The following FBXL18 variants were observed in gnomAD, a reference collection of about 807,000 sequenced individuals.
The protein encoded by FBXL18 is F-box and leucine rich repeat protein 18.
A neutral mutation model predicts 46.0 loss-of-function variants in FBXL18; 36 were observed. The observed-to-expected ratio is 0.78, with a 90% CI of 0.60 to 1.03. The LOEUF is 1.03. Ranked by LOEUF, FBXL18 falls within the 50% of genes least tolerant of loss-of-function variation. FBXL18 has a pLI of 0.00. For synonymous variants in FBXL18, 557 were observed against 465.3 expected, an observed-to-expected ratio of 1.20 and a Z score of -2.54; for missense variants, 977 against 1,004.1, an observed-to-expected ratio of 0.97 and a Z score of 0.36.
intron 3 of FBXL18, among the ~76,000 whole-genome samples, chr7:5,498,982 T>A (rs1784158314): frequency 6.6e-6 from 1 of 152,232 alleles, no homozygotes. Context: ...AGAACACCGT[T>A]CACTCCACAG....
In FBXL18 at chr7:5,496,001, G is replaced by T; in HGVS notation, c.1781+4487C>A. The T allele has an allele frequency of 2.4e-6, 1 of 415,416 alleles. No homozygotes were observed. Among genetic ancestry groups the T allele is most frequent in the Non-Finnish European group, 5.1e-6 (1 of 195,384 alleles). The allele number at this position is 415,416 out of a possible 1,614,324, so 25.7% of individuals were successfully genotyped here. ...CCCACAAAACCCACAGAACCCGCAGGCCTCTCCGCGCCTTCTCCATGGCCC... is the reference window on the plus strand; with the variant it reads ...CCCACAAAACCCACAGAACCCGCAGTCCTCTCCGCGCCTTCTCCATGGCCC... On this transcript the variant is annotated intron_variant, in intron 3 of 4. Transcript: ENST00000382368. The surrounding 1 kb of genome is among the most constrained non-coding windows in gnomAD (Gnocchi z 4.8).
Position 5,513,737 on chromosome 7 carries a change from C to G in FBXL18, c.-63G>C. On this transcript the variant is annotated 5_prime_UTR_variant, in exon 1 of 5. Transcript: ENST00000382368. ...AACCCCGTGCCTCCCACCTGCCCGG[C>G]TAGGGATGCTCGAAGCCGGCGCGTC... 2 of 1,569,044 alleles carry G rather than the reference C, an allele frequency of 1.3e-6. No homozygotes were observed. The highest frequency in any genetic ancestry group is 2.3e-5 in the South Asian group (2 of 86,022).
chr7:5,468,972 T>C (rs1039594513), intron 4 of FBXL18, among the ~76,000 whole-genome samples: 11 of 133,228 alleles, frequency 8.3e-5, no homozygotes, highest in African/African-American at 3.1e-4. Context: ...CCCTTTGTTT[T>C]GGTGTGTGAA....
At chr7:5,454,888 G>A (rs1322448418) in intron 4 of FBXL18, among the ~76,000 whole-genome samples, 5 of 152,204 alleles carry the variant, frequency 3.3e-5, no homozygotes, top group Admixed American at 2.0e-4. Context: ...GAGAGGACGC[G>A]CTGCTTGGCT....
At position 5,500,755 on chromosome 7, in the gene FBXL18, G is replaced by A. The variant is rs1784217917; in HGVS notation, c.1514C>T (p.Ala505Val). Residue 505 changes from alanine to valine, a missense_variant, in exon 3 of 5, where the codon GCC (alanine) becomes GTC (valine). By Grantham distance (64) the Ala-to-Val change is moderately conservative (BLOSUM62 0). Transcript: ENST00000382368. Reference protein sequence around the residue: ...FSSAMPRNEPAIRNSLPPCSR... With the variant: ...FSSAMPRNEPVIRNSLPPCSR... ...GCAGGGTGGGAGCGAGTTGCGGATG[G>A]CGGGCTCGTTGCGGGGCATGGCGGA... 1 of 1,612,594 alleles carries A rather than the reference G, an allele frequency of 6.2e-7. No individual in the cohort carries two copies. The highest frequency in any genetic ancestry group is 8.5e-7 in the Non-Finnish European group (1 of 1,179,758).
At chr7:5,511,127 G>C (rs1394644577) in intron 1 of FBXL18, among the ~76,000 whole-genome samples, 1 of 152,140 alleles carries the variant, frequency 6.6e-6, no homozygotes, top group East Asian at 1.9e-4. Context: ...TTTTTCAAAA[G>C]TGAAGCAAAA....
chr7:5,482,309 G>C (rs1440448995), intron 4 of FBXL18, among the ~76,000 whole-genome samples: 1 of 152,168 alleles, frequency 6.6e-6, no homozygotes, highest in Non-Finnish European at 1.5e-5. Context: ...CTGGCCCACG[G>C]AAGCCCCACG....
At chr7:5,502,078 C>T in intron 2 of FBXL18, 47 bp from the exon 3 acceptor site, 1 of 1,388,304 alleles carries the variant, frequency 7.2e-7, no homozygotes. Context: ...GGGCTGAAGG[C>T]ACCTACGGGT....
chr7:5,513,241 G>A (rs1032698751), intron 1 of FBXL18, among the ~76,000 whole-genome samples: 11 of 152,158 alleles, frequency 7.2e-5, no homozygotes, highest in Admixed American at 6.6e-4. Flanking sequence ...GCTCCAGGGA[G>A]AAGTGGGCTG....
At position 5,459,676 on chromosome 7, in the gene FBXL18, C is replaced by T. The variant is rs1307933151; in HGVS notation, c.2001-11833G>A. Among the ~76,000 whole-genome samples, 3 of 150,676 alleles carry T rather than the reference C, an allele frequency of 2.0e-5. No individual in the cohort carries two copies. In the East Asian group the frequency reaches 5.9e-4, roughly 30 times the overall value. On this transcript the variant is annotated intron_variant and NMD_transcript_variant, in intron 4 of 6. Transcript: ENST00000415009. ...AATGGCGTGAACCTGGGAGGCAGAG[C>T]TTGCAGTGAGCAGAGATTGTGCCAC...
At chr7:5,510,448 C>T (rs1784502905) in intron 1 of FBXL18, among the ~76,000 whole-genome samples, 2 of 151,582 alleles carry the variant, frequency 1.3e-5, no homozygotes, top group African/African-American at 4.8e-5. Context: ...CTTTGGGAGG[C>T]CAAAGCAGGC....
intron 3 of FBXL18, among the ~76,000 whole-genome samples, chr7:5,495,414 C>T (rs983619244): frequency 6.6e-6 from 1 of 152,214 alleles, no homozygotes; most frequent in African/African-American, 2.4e-5. Flanking sequence ...GACACGCTCC[C>T]CCGCCCTCCA....
rs534541844 is a variant in FBXL18 at position 5,468,220 on chromosome 7, T to G, written c.2001-20377A>C. 7.9e-5 allele frequency among the ~76,000 whole-genome samples: 12 copies of G among 152,250 alleles called. No individual in the cohort carries two copies. In the South Asian group the frequency reaches 1.9e-3, roughly 24 times the overall value. ...GGATGGTCTCGATCTCCTGACCTCG[T>G]GATCCGCCCGCCTCGGCCTCCCAAA... On this transcript the variant is annotated intron_variant and NMD_transcript_variant, in intron 4 of 6. Coordinates refer to the FBXL18 transcript ENST00000415009.
chr7:5,495,951 C>T (rs749827057), intron 3 of FBXL18: 10 of 464,880 alleles, frequency 2.2e-5, no homozygotes, highest in East Asian at 1.4e-4. Context: ...TGAGCAGGGT[C>T]GGTCTCTCAG....
chr7:5,475,924 C>A lies in FBXL18; in HGVS notation c.*5851G>T, dbSNP rs551264003. ...GTCAGGAGCAGGCATCACCGTGAGA[C>A]GCCACGGGGGCAGGTCAGCGGGACG... On this transcript the variant is annotated 3_prime_UTR_variant, in exon 5 of 5. Coordinates refer to ENST00000382368, the MANE Select transcript of FBXL18 (RefSeq NM_024963.6). The surrounding 1 kb of genome is among the most constrained non-coding windows in gnomAD (Gnocchi z 4.2). The A allele has an allele frequency of 6.6e-6, 1 of 152,322 alleles. No individual in the cohort carries two copies. The highest frequency in any genetic ancestry group is 2.4e-5 in the African/African-American group (1 of 41,466). The allele number at this position is 152,322 out of a possible 1,614,324, so 9.4% of individuals were successfully genotyped here.
chr7:5,455,297 C>T lies in FBXL18; in HGVS notation c.2001-7454G>A, dbSNP rs1389594853. ...CGGGAGCACCTGCAGGGAGTATTCT[C>T]GGGCATATGCTTGGGTAGCACTCTC... On this transcript the variant is annotated intron_variant and NMD_transcript_variant, in intron 4 of 6. Coordinates refer to the FBXL18 transcript ENST00000415009. The surrounding 1 kb of genome is among the most constrained non-coding windows in gnomAD (Gnocchi z 4.6). Among the ~76,000 whole-genome samples the T allele has an allele frequency of 2.0e-5, 3 of 151,944 alleles. No individual in the cohort carries two copies. Among genetic ancestry groups the T allele is most frequent in the East Asian group, 3.9e-4 (2 of 5,182 alleles).
rs965923630 is a variant in FBXL18, at chr7:5,500,606, G to A, written c.1663C>T (p.Leu555=). The change falls in exon 3 of 5, where the codon CTG becomes TTG. Residue 555 remains leucine, a synonymous_variant. Coordinates refer to ENST00000382368, the MANE Select transcript of FBXL18 (RefSeq NM_024963.6). ...AGGGACCGCAACTGCTGGCACTGCAGGCCGATATTGACCAGCCCGGAGCCC... is the reference window on the plus strand; with the variant it reads ...AGGGACCGCAACTGCTGGCACTGCAAGCCGATATTGACCAGCCCGGAGCCC... ...LTGSGLVNIG[L]QCQQLRSLSL... 1 of 1,613,304 alleles carries A rather than the reference G, an allele frequency of 6.2e-7. No homozygotes were observed. Among genetic ancestry groups the A allele is most frequent in the African/African-American group, 1.3e-5 (1 of 74,928 alleles).
intron 3 of FBXL18, among the ~76,000 whole-genome samples, chr7:5,492,195 G>A (rs919766853): frequency 1.4e-5 from 2 of 147,020 alleles, no homozygotes; most frequent in African/African-American, 2.5e-5. Flanking sequence ...AGGGAAGTAG[G>A]GGACGACATT....
At chr7:5,465,696 G>A (rs549899164) in intron 4 of FBXL18, among the ~76,000 whole-genome samples, 31 of 152,204 alleles carry the variant, frequency 2.0e-4, no homozygotes, top group African/African-American at 7.5e-4. Context: ...AGGGAGGGGA[G>A]AAATGGTGGA....
Sources: gnomAD v4.1 joint callset for allele counts (sites outside exome capture counted in the v4.1 genomes callset) on GRCh38, gnomAD v4.1.1 for gene constraint, Gnocchi (gnomAD v3.1) non-coding constraint, MANE v1.5 for transcripts, NCBI Gene and HGNC (gene_info 2026-07-23, HGNC 2026-07-21) for gene names.